The following IDE variants were observed in gnomAD, a reference collection of about 807,000 sequenced individuals.
The protein encoded by IDE is insulin degrading enzyme.
A neutral mutation model predicts 133.2 loss-of-function variants in IDE; 58 were observed. The ratio of observed to expected loss-of-function variants is 0.44; its 90% CI spans 0.35 to 0.54. The LOEUF is 0.54. IDE is among the 20% of genes least tolerant of loss of function. IDE has a pLI of 0.00. For synonymous variants in IDE, 396 were observed against 421.3 expected (o/e 0.94, Z 0.73); for missense variants, 981 against 1,234.0 (o/e 0.79, Z 3.07).
chr10:92,460,882 C>A (rs1262520597), intron 22 of IDE, among the ~76,000 whole-genome samples: 1 of 152,190 alleles, frequency 6.6e-6, no homozygotes, highest in African/African-American at 2.4e-5. Flanking sequence ...GCTCTGTCAC[C>A]CAGACAGGAG....
intron 1 of IDE, among the ~76,000 whole-genome samples, chr10:92,537,820 T>C (rs967327410): frequency 1.3e-5 from 2 of 152,152 alleles, no homozygotes; most frequent in Admixed American, 6.5e-5. Flanking sequence ...GGTTAGACCA[T>C]GTGTTGGCCT....
intron 1 of IDE, among the ~76,000 whole-genome samples, chr10:92,561,762 CA>C (rs981497458): frequency 2.8e-5 from 4 of 144,470 alleles, no homozygotes; most frequent in African/African-American, 2.6e-5. Flanking sequence ...ACTCCGTCAC[CA>C]AAAAAAAATA....
chr10:92,540,329 TAC>T (rs1208716263), intron 1 of IDE, among the ~76,000 whole-genome samples: 1 of 152,136 alleles, frequency 6.6e-6, no homozygotes, highest in Non-Finnish European at 1.5e-5. Flanking sequence ...CTTCAGTGTG[TAC>T]ACAGTTTGTT....
rs939583814 is a variant in IDE at position 92,454,039 on chromosome 10, C to T, written c.*405G>A. On this transcript the variant is annotated 3_prime_UTR_variant, in exon 25 of 25. Transcript: ENST00000265986. ...AGGATCAATTTTTAAAAAGTTATTA[C>T]CTTTCTAAATGTTGTGAAGCCTTCT... is the stretch of plus-strand genomic sequence containing the variant. 6.5e-6 allele frequency: 1 copy of T among 154,934 alleles called. No individual in the cohort carries two copies. The highest frequency in any genetic ancestry group is 1.4e-5 in the Non-Finnish European group (1 of 69,770). The allele number at this position is 154,934 out of a possible 1,614,324, so 9.6% of individuals were successfully genotyped here. A position where few individuals can be genotyped will look rare whatever the true frequency, so the allele number is the denominator to read the frequency against.
chr10:92,555,114 T>C (rs969893036), intron 1 of IDE, among the ~76,000 whole-genome samples: 5 of 152,154 alleles, frequency 3.3e-5, no homozygotes, highest in African/African-American at 9.7e-5. Flanking sequence ...TCCTCTATAA[T>C]CAGGAACAAG....
rs56377277 is a variant in IDE at position 92,488,932 on chromosome 10, T to TAAAAAAAAAA, written c.1533+1551_1533+1560dup. The stretch of plus-strand genomic sequence containing the variant: ...CTAATTTATAAGGCTTTTCATTATT[T>TAAAAAAAAAA]AAAAAAAAAAAAAAAAAAAAAAAGC... On this transcript the variant is annotated intron_variant, in intron 12 of 24. Coordinates refer to ENST00000265986, the MANE Select transcript of IDE (RefSeq NM_004969.4). Among the ~76,000 whole-genome samples the TAAAAAAAAAA allele has an allele frequency of 1.1e-4, 9 of 78,978 alleles. 2 individuals carry two copies. Among genetic ancestry groups the TAAAAAAAAAA allele is most frequent in the African/African-American group, 2.3e-4 (4 of 17,730 alleles). 51.8% of individuals were successfully genotyped at this position (78,978 alleles called of 152,430 possible). A position where few individuals can be genotyped will look rare whatever the true frequency, so the allele number is the denominator to read the frequency against.
At chr10:92,506,383 G>T (rs992293015) in intron 10 of IDE, 59 bp downstream of exon 10, 8 of 776,918 alleles carry the variant, frequency 1.0e-5, no homozygotes, top group Admixed American at 2.3e-5. Context: ...GAAAATATAT[G>T]CAAGATTGCT....
intron 20 of IDE, among the ~76,000 whole-genome samples, chr10:92,464,431 T>C (rs551227559): frequency 6.6e-6 from 1 of 152,326 alleles, no homozygotes; most frequent in East Asian, 1.9e-4. Flanking sequence ...GTATTTCTTG[T>C]TAGATAATCC....
chr10:92,474,155 C>G (rs1312254061), intron 17 of IDE, among the ~76,000 whole-genome samples: 6 of 152,074 alleles, frequency 3.9e-5, no homozygotes, highest in Admixed American at 2.6e-4. Context: ...CCTCAACTTC[C>G]CGGGCTCAAG....
At chr10:92,457,093 C>T (rs1845071610) in intron 22 of IDE, among the ~76,000 whole-genome samples, 1 of 151,856 alleles carries the variant, frequency 6.6e-6, no homozygotes, top group African/African-American at 2.4e-5. Flanking sequence ...CTAATAAGTG[C>T]CTGAGCTAGG....
intron 6 of IDE, among the ~76,000 whole-genome samples, 199 bp from the exon 7 acceptor site, chr10:92,509,089 T>C (rs1848451339): frequency 6.6e-6 from 1 of 152,180 alleles, no homozygotes; most frequent in Non-Finnish European, 1.5e-5. Flanking sequence ...CGGTATATAG[T>C]CCATGTTTGA....
At chr10:92,496,771 G>A (rs1193731948) in intron 11 of IDE, among the ~76,000 whole-genome samples, 1 of 152,194 alleles carries the variant, frequency 6.6e-6, no homozygotes, top group Non-Finnish European at 1.5e-5. Context: ...GGGCAACAGA[G>A]CAAGACTCTG....
At chr10:92,528,251 C>A (rs529205647) in intron 4 of IDE, among the ~76,000 whole-genome samples, 1 of 152,102 alleles carries the variant, frequency 6.6e-6, no homozygotes, top group South Asian at 2.1e-4. Context: ...TCCTTTGAAA[C>A]CTCCATTAAT....
chr10:92,498,970 C>T (rs1847869406), intron 11 of IDE, among the ~76,000 whole-genome samples: 1 of 152,016 alleles, frequency 6.6e-6, no homozygotes, highest in Admixed American at 6.5e-5. Flanking sequence ...GCTGATTTTT[C>T]CCCCCTGGAA....
chr10:92,545,707 G>A (rs962745903), intron 1 of IDE, among the ~76,000 whole-genome samples: 1 of 152,152 alleles, frequency 6.6e-6, no homozygotes, highest in East Asian at 1.9e-4. Flanking sequence ...GTCCCAGGAG[G>A]TCCCAAATTT....
intron 1 of IDE, among the ~76,000 whole-genome samples, chr10:92,568,554 G>A (rs1260076541): frequency 2.6e-5 from 4 of 152,184 alleles, no homozygotes; most frequent in Admixed American, 6.5e-5. Flanking sequence ...GGTGGCCCAC[G>A]CCTGTAATCC....
Position 92,456,405 on chromosome 10 carries a change from C to A in IDE, c.2850G>T (p.Arg950Ser). Residue 950 changes from arginine (R) to serine (S), a missense_variant, in exon 23 of 25, where the codon AGG becomes AGT. Arg to Ser is a moderately radical substitution (Grantham distance 110, BLOSUM62 -1). Coordinates refer to ENST00000265986, the MANE Select transcript of IDE (RefSeq NM_004969.4). ...YKEMLAVDAP[R>S]RHKVSVHVLA... ...GAACATGGACGGATACCTTATGTCT[C>A]CTTGGAGCATCTACTGCCAACATTT... 6.2e-7 allele frequency: 1 copy of A among 1,613,904 alleles called. No homozygotes were observed. Among genetic ancestry groups the A allele is most frequent in the Non-Finnish European group, 8.5e-7 (1 of 1,179,776 alleles).
At chr10:92,501,618 C>T (rs1235827513) in intron 11 of IDE, among the ~76,000 whole-genome samples, 2 of 150,038 alleles carry the variant, frequency 1.3e-5, no homozygotes, top group Admixed American at 6.7e-5. Context: ...TGCAGTGAGC[C>T]GAGATTGCGC....
chr10:92,480,838 C>T (rs1846561647), intron 14 of IDE: 2 of 482,302 alleles, frequency 4.1e-6, no homozygotes, highest in Non-Finnish European at 5.4e-6. Context: ...AAGCGATCTT[C>T]CTGCCTCGGC....
Sources: gnomAD v4.1 joint callset for allele counts (sites outside exome capture counted in the v4.1 genomes callset) on GRCh38, gnomAD v4.1.1 for gene constraint, MANE v1.5 for transcripts, NCBI Gene and HGNC (gene_info 2026-07-23, HGNC 2026-07-21) for gene names.